MKRN1: variants seen among roughly 807,000 people sequenced by gnomAD.
The protein encoded by MKRN1 is makorin ring finger protein 1.
In MKRN1, 9 loss-of-function variants were observed where a neutral mutation model predicts 55.5. The observed-to-expected ratio is 0.16, with a 90% CI of 0.10 to 0.28. MKRN1 has a LOEUF of 0.28. Among genes scored for constraint, MKRN1 ranks in the 10% least tolerant of loss-of-function variants. MKRN1 has a pLI of 1.00. For synonymous variants in MKRN1, 253 were observed against 235.9 expected, an observed-to-expected ratio of 1.07 and a Z score of -0.66; for missense variants, 488 against 626.7, an observed-to-expected ratio of 0.78 and a Z score of 2.36.
At chr7:140,472,666 G>A (rs1794964336) in intron 1 of MKRN1, among the ~76,000 whole-genome samples, 1 of 151,158 alleles carries the variant, frequency 6.6e-6, no homozygotes, top group Non-Finnish European at 1.5e-5. Flanking sequence ...GAGATTACAA[G>A]CGTGAGCCAC....
At position 140,473,898 on chromosome 7, in the gene MKRN1, AG is replaced by A. The variant is rs1795009595; in HGVS notation, c.186-1888del. The A allele has an allele frequency of 2.6e-5, 4 of 151,618 alleles. No homozygotes were observed. The Admixed American group carries it at 2.6e-4, about 10-fold the overall frequency. 9.4% of individuals were successfully genotyped at this position (151,618 alleles called of 1,614,324 possible). A position where few individuals can be genotyped will look rare whatever the true frequency, so the allele number is the denominator to read the frequency against. On this transcript the variant is annotated intron_variant, in intron 1 of 7. Transcript: ENST00000255977. ...TCCCAGCTACTCTGGAGGCTGAGAG[AG>A]GAAAATCGCTGGAACCCAGGAGATG... is the stretch of plus-strand genomic sequence containing the variant.
intron 4 of MKRN1, among the ~76,000 whole-genome samples, chr7:140,457,389 G>A (rs1324065754): frequency 6.6e-6 from 1 of 152,138 alleles, no homozygotes; most frequent in Non-Finnish European, 1.5e-5. Context: ...ATGCTGCCAA[G>A]AACATTCATG....
At chr7:140,466,707 G>C (rs1159234532) in intron 2 of MKRN1, among the ~76,000 whole-genome samples, 1 of 151,766 alleles carries the variant, frequency 6.6e-6, no homozygotes, top group East Asian at 1.9e-4. Flanking sequence ...GGGAGGCTGA[G>C]GCAGGAGAAT....
Position 140,454,746 on chromosome 7 carries a change from C to T in MKRN1, c.1237-17G>A, listed in dbSNP as rs1469976669. 6 of 1,611,136 alleles carry T rather than the reference C, an allele frequency of 3.7e-6. No individual in the cohort carries two copies. Among genetic ancestry groups the T allele is most frequent in the Non-Finnish European group, 5.1e-6 (6 of 1,177,582 alleles). ...TCGTTGGGCCTGTAAAAAACAAGGC[C>T]ATGATAGGGATGGCACTGTCGAGCA... On this transcript the variant is annotated splice_polypyrimidine_tract_variant and intron_variant, in intron 7 of 7. Transcript: ENST00000255977.
intron 1 of MKRN1, among the ~76,000 whole-genome samples, chr7:140,477,598 A>C (rs1236867366): frequency 2.0e-5 from 3 of 152,156 alleles, no homozygotes; most frequent in Non-Finnish European, 4.4e-5. Context: ...CTGGGATTAC[A>C]GGTGTGAGCC....
In MKRN1 at chr7:140,454,840, CTTAG is replaced by C. The variant is rs1794422820; in HGVS notation, c.1237-115_1237-112del. ...CCAGAGGGCATGACGAACCAGACTT[CTTAG>C]TTAGGGTTTCCATTTACCACTTCCT... On this transcript the variant is annotated intron_variant, in intron 7 of 7. Coordinates refer to ENST00000255977, the MANE Select transcript of MKRN1 (RefSeq NM_013446.4). 6.7e-6 allele frequency: 8 copies of C among 1,201,236 alleles called. No homozygotes were observed. In the Admixed American group the frequency reaches 8.2e-5, roughly 12 times the overall value. The allele number at this position is 1,201,236 out of a possible 1,614,324, so 74.4% of individuals were successfully genotyped here.
At chr7:140,457,622 C>T (rs1452353622) in intron 4 of MKRN1, among the ~76,000 whole-genome samples, 10 of 151,694 alleles carry the variant, frequency 6.6e-5, no homozygotes, top group Non-Finnish European at 8.8e-5. Context: ...CCCAGCTATT[C>T]GGGAGGCAGA....
At chr7:140,475,267 C>A in intron 1 of MKRN1, 1 of 429,284 alleles carries the variant, frequency 2.3e-6, no homozygotes. Flanking sequence ...TCCTTGAACC[C>A]AGGAGGCAGA....
chr7:140,477,268 G>C (rs571791048), intron 1 of MKRN1, among the ~76,000 whole-genome samples: 1 of 152,074 alleles, frequency 6.6e-6, no homozygotes, highest in Non-Finnish European at 1.5e-5. Context: ...TCAAGCAAAA[G>C]CTATACAAAA....
chr7:140,472,616 C>T (rs1326171675), intron 1 of MKRN1, among the ~76,000 whole-genome samples: 1 of 150,950 alleles, frequency 6.6e-6, no homozygotes, highest in African/African-American at 2.4e-5. Flanking sequence ...TCTCGATCTC[C>T]TGACCTTGTG....
chr7:140,459,777 A>G lies in MKRN1; in HGVS notation c.474T>C (p.Thr158=). ...EAESRNSNFA[T]VGAGSEDWVN... ...CCCAGTCCTCTGAACCTGCTCCTAC[A>G]GTTGCAAAGTTTGAATTTCTTGACT... The change falls in exon 3 of 8, where the codon ACT becomes ACC. Residue 158 remains threonine (T), a synonymous_variant. Coordinates refer to ENST00000255977, the MANE Select transcript of MKRN1 (RefSeq NM_013446.4). 6.2e-7 allele frequency: 1 copy of G among 1,613,960 alleles called. No homozygotes were observed.
chr7:140,463,420 C>G (rs947808577), intron 2 of MKRN1, among the ~76,000 whole-genome samples: 2 of 152,196 alleles, frequency 1.3e-5, no homozygotes, highest in African/African-American at 4.8e-5. Context: ...GACTTACATA[C>G]AATTTTAAAC....
intron 2 of MKRN1, among the ~76,000 whole-genome samples, chr7:140,471,008 TAGA>T (rs1326943343): frequency 3.3e-5 from 5 of 152,136 alleles, no homozygotes; most frequent in African/African-American, 1.2e-4. Context: ...GTCTCTGAGA[TAGA>T]ACCATCCAGC....
At chr7:140,477,938 C>T (rs532738433) in intron 1 of MKRN1, among the ~76,000 whole-genome samples, 1 of 152,286 alleles carries the variant, frequency 6.6e-6, no homozygotes, top group South Asian at 2.1e-4. Flanking sequence ...AGACAAGTGA[C>T]CTGAAATTGC....
chr7:140,461,439 G>T (rs1794611275), intron 2 of MKRN1, among the ~76,000 whole-genome samples: 1 of 152,104 alleles, frequency 6.6e-6, no homozygotes, highest in African/African-American at 2.4e-5. Flanking sequence ...GGCCAGGAGT[G>T]TAAGACCAGC....
At chr7:140,472,290 C>G (rs928969390) in intron 1 of MKRN1, 7 of 360,156 alleles carry the variant, frequency 1.9e-5, no homozygotes, top group African/African-American at 1.5e-4. Context: ...CAAAAATTGG[C>G]TGGTGTGGTG....
At chr7:140,478,626 G>C (rs1013948310) in intron 1 of MKRN1, 6 of 152,252 alleles carry the variant, frequency 3.9e-5, no homozygotes, top group African/African-American at 1.2e-4. Flanking sequence ...GGGGGCGGAG[G>C]GACGGAGGGA....
chr7:140,475,399 C>T, intron 1 of MKRN1: 1 of 318,896 alleles, frequency 3.1e-6, no homozygotes, highest in African/African-American at 2.3e-5. Flanking sequence ...GTGGCTCACA[C>T]CTGTAATCCC....
At chr7:140,469,751 A>G (rs1585487266) in intron 2 of MKRN1, among the ~76,000 whole-genome samples, 1 of 152,104 alleles carries the variant, frequency 6.6e-6, no homozygotes, top group African/African-American at 2.4e-5. Flanking sequence ...CGTCTCTACT[A>G]AAAATACAAA....
Sources: allele counts gnomAD v4.1 joint callset (sites outside exome capture counted in the v4.1 genomes callset), GRCh38; gene constraint gnomAD v4.1.1; transcripts MANE v1.5; gene names NCBI Gene and HGNC (gene_info 2026-07-23, HGNC 2026-07-21).